MACROD2: variants seen among roughly 807,000 people sequenced by gnomAD.
The protein encoded by MACROD2 is ADP-ribose glycohydrolase MACROD2.
Under a neutral mutation model 70.4 loss-of-function variants are expected in MACROD2, and 36 were observed. The observed-to-expected ratio is 0.51, with a 90% CI of 0.39 to 0.68. The LOEUF is 0.68. Among genes scored for constraint, MACROD2 ranks in the 30% least tolerant of loss-of-function variants. The probability of loss-of-function intolerance (pLI) is 0.00; values close to 1 mark genes in which losing one functional copy is unlikely to be tolerated. For synonymous variants in MACROD2, 172 were observed against 178.8 expected (o/e 0.96, Z 0.30); for missense variants, 496 against 538.4 (o/e 0.92, Z 0.78).
At chr20:15,695,152 G>A (rs1373557950) in intron 8 of MACROD2, among the ~76,000 whole-genome samples, 2 of 152,104 alleles carry the variant, frequency 1.3e-5, no homozygotes, top group African/African-American at 2.4e-5. Flanking sequence ...CAGGTAGTGT[G>A]ATGTCTCCAG....
At chr20:14,878,286 G>T (rs561061735) in intron 5 of MACROD2, among the ~76,000 whole-genome samples, 1 of 152,188 alleles carries the variant, frequency 6.6e-6, no homozygotes, top group Non-Finnish European at 1.5e-5. Flanking sequence ...TGGCCTGTAT[G>T]GCATTTGTAC....
At chr20:14,013,843 C>G (rs1416068035) in intron 2 of MACROD2, among the ~76,000 whole-genome samples, 1 of 151,822 alleles carries the variant, frequency 6.6e-6, no homozygotes, top group Non-Finnish European at 1.5e-5. Flanking sequence ...CCATCACGCC[C>G]AGCTAATTTT....
chr20:16,027,661 C>A (rs1386166612), intron 15 of MACROD2, among the ~76,000 whole-genome samples: 1 of 152,160 alleles, frequency 6.6e-6, no homozygotes, highest in Non-Finnish European at 1.5e-5. Flanking sequence ...TGGCTCCTTA[C>A]ATAGTTAAAA....
rs77971425 is a variant in MACROD2 at position 15,056,335 on chromosome 20, G to T, written c.419-173605G>T. Reference sequence around the variant, plus strand: ...TTCAACAGCTTCTTCATCTTTCAGGGTGAAGTGAAATCTGCCAGTTTACAT... The same window carrying T: ...TTCAACAGCTTCTTCATCTTTCAGGTTGAAGTGAAATCTGCCAGTTTACAT... On this transcript the variant is annotated intron_variant, in intron 5 of 17. Transcript: ENST00000684519. Among the ~76,000 whole-genome samples, 314 of 151,656 alleles carry T rather than the reference G, an allele frequency of 2.1e-3. 7 individuals are homozygous for T. The East Asian group carries it at 0.037, about 18-fold the overall frequency.
At chr20:15,639,554 A>G (rs2049422383) in intron 8 of MACROD2, among the ~76,000 whole-genome samples, 1 of 152,186 alleles carries the variant, frequency 6.6e-6, no homozygotes, top group African/African-American at 2.4e-5. Context: ...CCACCCCTGC[A>G]GAGCCAGGCA....
rs938907344 is a variant in MACROD2, at chr20:14,736,596, G to A, written c.418+51637G>A. Among the ~76,000 whole-genome samples the A allele has an allele frequency of 3.3e-5, 5 of 152,262 alleles. No homozygotes were observed. The East Asian group carries it at 9.6e-4, about 29-fold the overall frequency. The stretch of plus-strand genomic sequence containing the variant: ...AACAACAGTGATATCATTAATATCA[G>A]TGATAATCATAGATAATGATAACGT... On this transcript the variant is annotated intron_variant, in intron 5 of 17. Transcript: ENST00000684519.
intron 5 of MACROD2, among the ~76,000 whole-genome samples, chr20:15,117,640 A>G (rs1164999753): frequency 6.6e-6 from 1 of 152,166 alleles, no homozygotes; most frequent in Non-Finnish European, 1.5e-5. Flanking sequence ...GACCATCTTC[A>G]TATCATGTAT....
intron 5 of MACROD2, among the ~76,000 whole-genome samples, chr20:14,807,913 G>A (rs1388159350): frequency 1.3e-5 from 2 of 151,980 alleles, no homozygotes; most frequent in African/African-American, 4.8e-5. Flanking sequence ...GAGAAAAAAT[G>A]AACAAATCCT....
chr20:15,087,703 T>C (rs2075759271), intron 5 of MACROD2, among the ~76,000 whole-genome samples: 2 of 152,000 alleles, frequency 1.3e-5, no homozygotes, highest in East Asian at 1.9e-4. Flanking sequence ...TATTTGACTG[T>C]TTAAAAATTA....
At chr20:15,424,457 C>G (rs1388903432) in intron 6 of MACROD2, among the ~76,000 whole-genome samples, 3 of 152,170 alleles carry the variant, frequency 2.0e-5, no homozygotes, top group Non-Finnish European at 4.4e-5. Flanking sequence ...GTGGCTCATG[C>G]CTGGAATCCT....
intron 5 of MACROD2, among the ~76,000 whole-genome samples, chr20:14,864,065 T>C (rs1007087980): frequency 6.6e-6 from 1 of 152,106 alleles, no homozygotes; most frequent in African/African-American, 2.4e-5. Context: ...TTCTTTTCCC[T>C]TAGGTGTCCA....
intron 5 of MACROD2, among the ~76,000 whole-genome samples, chr20:15,090,356 T>C (rs1404663420): frequency 6.6e-6 from 1 of 152,114 alleles, no homozygotes; most frequent in Admixed American, 6.6e-5. Flanking sequence ...TTGATATAAT[T>C]TATCTTTCCC....
chr20:14,190,690 A>ATT (rs2081377745), intron 3 of MACROD2, among the ~76,000 whole-genome samples: 1 of 42,218 alleles, frequency 2.4e-5, no homozygotes, highest in African/African-American at 1.0e-4. Context: ...ATATATATAT[A>ATT]TATATATATT....
intron 4 of MACROD2, among the ~76,000 whole-genome samples, chr20:14,517,646 C>A (rs2085117271): frequency 6.6e-6 from 1 of 152,102 alleles, no homozygotes; most frequent in South Asian, 2.1e-4. Context: ...TGTAACAAAC[C>A]TGCATGTTCT....
Position 16,028,183 on chromosome 20 carries a change from T to C in MACROD2, c.1154-13018T>C, listed in dbSNP as rs1031438546. 5.9e-5 allele frequency among the ~76,000 whole-genome samples: 9 copies of C among 152,322 alleles called. No homozygotes were observed. In the East Asian group the frequency reaches 1.7e-3, roughly 29 times the overall value. ...ATTTTCTTGTCCTCAAAGATTTTTC[T>C]TCATCCTCACAAAAGGTGGCTCACT... On this transcript the variant is annotated intron_variant, in intron 15 of 17. Transcript: ENST00000684519.
chr20:14,255,225 G>A (rs1367558653), intron 3 of MACROD2, among the ~76,000 whole-genome samples: 1 of 152,048 alleles, frequency 6.6e-6, no homozygotes, highest in East Asian at 1.9e-4. Context: ...ACACAGACTG[G>A]CAAATTGGAT....
chr20:15,449,605 T>TA (rs1470934847), intron 7 of MACROD2, among the ~76,000 whole-genome samples: 1 of 152,194 alleles, frequency 6.6e-6, no homozygotes, highest in Non-Finnish European at 1.5e-5. Flanking sequence ...TCAGTCTTTT[T>TA]ATTTTCATGG....
chr20:15,134,824 G>C (rs938746815), intron 5 of MACROD2, among the ~76,000 whole-genome samples: 2 of 152,038 alleles, frequency 1.3e-5, no homozygotes, highest in South Asian at 2.1e-4. Flanking sequence ...CCGCTAGCAA[G>C]ACTAATAAAA....
chr20:14,382,944 T>C (rs1287133871), intron 3 of MACROD2, among the ~76,000 whole-genome samples: 2 of 152,198 alleles, frequency 1.3e-5, no homozygotes, highest in Non-Finnish European at 2.9e-5. Flanking sequence ...AATAAATATG[T>C]AACAACTAAA....
Sources: allele counts gnomAD v4.1 joint callset (sites outside exome capture counted in the v4.1 genomes callset), GRCh38; gene constraint gnomAD v4.1.1; transcripts MANE v1.5; gene names NCBI Gene and HGNC (gene_info 2026-07-23, HGNC 2026-07-21).